Variants in LRP1B observed in about 807,000 individuals in gnomAD.
The protein encoded by LRP1B is low-density lipoprotein receptor-related protein 1B.
A neutral mutation model predicts 556.6 loss-of-function variants in LRP1B; 217 were observed. The ratio of observed to expected loss-of-function variants is 0.39; its 90% CI spans 0.35 to 0.44. LRP1B has a LOEUF of 0.44. LRP1B is among the 20% of genes least tolerant of loss of function. The pLI is 1.00. For synonymous variants in LRP1B, 2,047 were observed against 1,865.8 expected, an observed-to-expected ratio of 1.10 and a Z score of -2.50; for missense variants, 5,053 against 5,620.8, an observed-to-expected ratio of 0.90 and a Z score of 3.23.
rs1197817419 is a variant in LRP1B, at chr2:140,594,110, TG to T, written c.7194+4520del. 2.6e-5 allele frequency among the ~76,000 whole-genome samples: 4 copies of T among 152,130 alleles called. No individual in the cohort carries two copies. In the East Asian group the frequency reaches 5.8e-4, roughly 22 times the overall value. On this transcript the variant is annotated intron_variant, in intron 43 of 90. Coordinates refer to ENST00000389484, the MANE Select transcript of LRP1B (RefSeq NM_018557.3). ...CTCCTGCCTCAGCCTCCCGAGTAGCTGGGACGTGCCACCATGCCCGGCTAAT... is the reference window on the plus strand; with the variant it reads ...CTCCTGCCTCAGCCTCCCGAGTAGCTGGACGTGCCACCATGCCCGGCTAAT...
intron 43 of LRP1B, among the ~76,000 whole-genome samples, chr2:140,578,903 T>C (rs1045805238): frequency 3.3e-5 from 5 of 152,158 alleles, no homozygotes; most frequent in African/African-American, 7.2e-5. Context: ...AGGATTTTTG[T>C]CATTTTGTTT....
intron 3 of LRP1B, among the ~76,000 whole-genome samples, chr2:141,347,820 A>G (rs1310241794): frequency 1.3e-5 from 2 of 152,094 alleles, no homozygotes. Context: ...TTGTCATTAT[A>G]ACAAAGTATG....
intron 2 of LRP1B, among the ~76,000 whole-genome samples, chr2:141,618,955 C>CTCTGT (rs1366988248): frequency 1.3e-5 from 2 of 152,134 alleles, no homozygotes; most frequent in Non-Finnish European, 2.9e-5. Flanking sequence ...AACAAACTTA[C>CTCTGT]GGAGTTCAAG....
At chr2:140,991,999 T>C (rs1697105540) in intron 16 of LRP1B, among the ~76,000 whole-genome samples, 1 of 152,098 alleles carries the variant, frequency 6.6e-6, no homozygotes, top group Non-Finnish European at 1.5e-5. Context: ...ATTAAAAGAA[T>C]GGATTTTATT....
At chr2:140,884,132 C>T in intron 24 of LRP1B, 111 bp from the exon 25 acceptor site, 1 of 1,000,754 alleles carries the variant, frequency 1.0e-6, no homozygotes, top group South Asian at 1.6e-5. Context: ...AATGTGATTT[C>T]AACTTTGAGA....
chr2:141,547,655 G>A (rs529313518), intron 2 of LRP1B, among the ~76,000 whole-genome samples: 16 of 152,046 alleles, frequency 1.1e-4, no homozygotes, highest in Non-Finnish European at 2.1e-4. Flanking sequence ...CTGTGCTTTG[G>A]TTCATGTGTC....
intron 77 of LRP1B, among the ~76,000 whole-genome samples, chr2:140,348,867 T>C (rs1033186688): frequency 2.6e-5 from 4 of 152,114 alleles, no homozygotes; most frequent in Non-Finnish European, 5.9e-5. Flanking sequence ...TTCTGTTCAC[T>C]AGAACAGCGG....
In LRP1B at chr2:140,867,784, A is replaced by G; in HGVS notation, c.4385T>C (p.Ile1462Thr). ...ALYDGTNMIE[I>T]IRGHEYLSHP... ...GGAAAGGTATTCATGACCTCGGATG[A>G]TTTCTATCATGTTTGTTCCATCATA... is the stretch of plus-strand genomic sequence containing the variant. Residue 1462 changes from isoleucine to threonine, a missense_variant, in exon 27 of 91, where the codon ATC becomes ACC. Coordinates refer to ENST00000389484, the MANE Select transcript of LRP1B (RefSeq NM_018557.3). 6.2e-7 allele frequency: 1 copy of G among 1,604,434 alleles called. No homozygotes were observed. Among genetic ancestry groups the G allele is most frequent in the Non-Finnish European group, 8.5e-7 (1 of 1,174,878 alleles).
At chr2:141,700,503 T>G (rs1020222546) in intron 2 of LRP1B, among the ~76,000 whole-genome samples, 1 of 151,826 alleles carries the variant, frequency 6.6e-6, no homozygotes, top group African/African-American at 2.4e-5. Flanking sequence ...TTTCCTAATT[T>G]TTACATGTAA....
At chr2:141,806,614 T>C (rs1176257649) in intron 2 of LRP1B, among the ~76,000 whole-genome samples, 7 of 152,006 alleles carry the variant, frequency 4.6e-5, no homozygotes, top group Non-Finnish European at 7.4e-5. Flanking sequence ...CACTAAATTT[T>C]AACTCCTGCT....
At chr2:141,560,793 C>G (rs758894100) in intron 2 of LRP1B, among the ~76,000 whole-genome samples, 7 of 151,424 alleles carry the variant, frequency 4.6e-5, no homozygotes, top group Non-Finnish European at 8.9e-5. Flanking sequence ...AATAATCAAG[C>G]ATAATTAAGT....
intron 1 of LRP1B, among the ~76,000 whole-genome samples, chr2:141,986,119 T>C (rs1179120637): frequency 6.6e-6 from 1 of 151,950 alleles, no homozygotes; most frequent in East Asian, 1.9e-4. Flanking sequence ...TCTGAGGCCC[T>C]AAATTCTTAT....
At chr2:140,906,116 G>C (rs1373408669) in intron 22 of LRP1B, among the ~76,000 whole-genome samples, 5 of 152,108 alleles carry the variant, frequency 3.3e-5, no homozygotes, top group African/African-American at 1.2e-4. Flanking sequence ...CTCTGAAAGA[G>C]TGCGGTGTGT....
chr2:141,048,835 A>G (rs1698953976), intron 11 of LRP1B, 151 bp downstream of exon 11: 2 of 642,542 alleles, frequency 3.1e-6, no homozygotes, highest in African/African-American at 1.8e-5. Context: ...CAGAGAAACA[A>G]TGTTAATGAA....
chr2:140,346,715 CATGT>C (rs937457649), intron 77 of LRP1B, among the ~76,000 whole-genome samples: 4 of 151,808 alleles, frequency 2.6e-5, no homozygotes, highest in African/African-American at 9.6e-5. Flanking sequence ...TGTGTGCATG[CATGT>C]GTGTGTGTAT....
chr2:141,440,220 C>G (rs777155315), intron 3 of LRP1B, among the ~76,000 whole-genome samples: 1 of 152,202 alleles, frequency 6.6e-6, no homozygotes, highest in African/African-American at 2.4e-5. Context: ...GCAGGATTTG[C>G]GCCCAGCCCG....
At position 141,365,482 on chromosome 2, in the gene LRP1B, GTTTT is replaced by G. The variant is rs34195312; in HGVS notation, c.344-110845_344-110842del. Among the ~76,000 whole-genome samples, 837 of 138,368 alleles carry G rather than the reference GTTTT, an allele frequency of 6.0e-3. 6 individuals are homozygous for G. Among genetic ancestry groups the G allele is most frequent in the African/African-American group, 0.02 (777 of 38,312 alleles). The allele number at this position is 138,368 out of a possible 152,430, so 90.8% of individuals were successfully genotyped here. A position where few individuals can be genotyped will look rare whatever the true frequency, so the allele number is the denominator to read the frequency against. On this transcript the variant is annotated intron_variant, in intron 3 of 90. Transcript: ENST00000389484. ...ATATTCTAAAGGCTAGCTTAGAAGT[GTTTT>G]TTTTTTTTTTTGTCAAACACTTCCA...
At chr2:141,100,759 A>C (rs1401516237) in intron 7 of LRP1B, among the ~76,000 whole-genome samples, 1 of 152,038 alleles carries the variant, frequency 6.6e-6, no homozygotes, top group Non-Finnish European at 1.5e-5. Context: ...CGGAGCTGGA[A>C]GTGTTGCCCC....
Position 141,607,558 on chromosome 2 carries a change from A to G in LRP1B, c.206-127025T>C, listed in dbSNP as rs532722804. Among the ~76,000 whole-genome samples, 3 of 152,120 alleles carry G rather than the reference A, an allele frequency of 2.0e-5. No homozygotes were observed. The South Asian group carries it at 6.2e-4, about 32-fold the overall frequency. Reference sequence around the variant, plus strand: ...CTCTCCCTTCCCATCCCTCTAAAACATTTGCACTAGTGTCAACATATTGCC... The same window carrying G: ...CTCTCCCTTCCCATCCCTCTAAAACGTTTGCACTAGTGTCAACATATTGCC... On this transcript the variant is annotated intron_variant, in intron 2 of 90. Transcript: ENST00000389484.
Sources: gnomAD v4.1 joint callset for allele counts (sites outside exome capture counted in the v4.1 genomes callset) on GRCh38, gnomAD v4.1.1 for gene constraint, MANE v1.5 for transcripts, NCBI Gene and HGNC (gene_info 2026-07-23, HGNC 2026-07-21) for gene names.